Variants in KCNH1 observed in about 807,000 individuals in gnomAD.
KCNH1 encodes the protein voltage-gated delayed rectifier potassium channel KCNH1.
In KCNH1, 27 loss-of-function variants were observed where a neutral mutation model predicts 69.2. The observed-to-expected ratio is 0.39, with a 90% CI of 0.29 to 0.54. KCNH1 has a LOEUF of 0.54. KCNH1 is among the 20% of genes least tolerant of loss of function. The pLI is 0.68. For synonymous variants in KCNH1, 456 were observed against 487.7 expected, an observed-to-expected ratio of 0.93 and a Z score of 0.86; for missense variants, 798 against 1,261.6, an observed-to-expected ratio of 0.63 and a Z score of 5.57.
At chr1:211,017,712 C>G (rs1689516771) in intron 6 of KCNH1, among the ~76,000 whole-genome samples, 2 of 152,168 alleles carry the variant, frequency 1.3e-5, no homozygotes, top group African/African-American at 4.8e-5. Context: ...ACCACATGTC[C>G]CAGGCGCTCA....
At chr1:210,822,803 C>CAAG (rs1684957325) in intron 7 of KCNH1, among the ~76,000 whole-genome samples, 1 of 152,186 alleles carries the variant, frequency 6.6e-6, no homozygotes, top group Non-Finnish European at 1.5e-5. Context: ...TTGTCAGTCT[C>CAAG]TCCAAGGTTC....
intron 6 of KCNH1, among the ~76,000 whole-genome samples, chr1:211,011,763 G>T (rs959161865): frequency 6.6e-6 from 1 of 152,190 alleles, no homozygotes; most frequent in African/African-American, 2.4e-5. Flanking sequence ...CATGACTCCG[G>T]TGCGTGTGCA....
intron 10 of KCNH1, among the ~76,000 whole-genome samples, chr1:210,769,065 G>T (rs1046884178): frequency 2.6e-5 from 4 of 152,114 alleles, no homozygotes; most frequent in Non-Finnish European, 5.9e-5. Flanking sequence ...CAGACTAATA[G>T]ATGATTTTAA....
At chr1:211,058,869 CAG>C (rs753552152) in intron 5 of KCNH1, among the ~76,000 whole-genome samples, 1 of 152,082 alleles carries the variant, frequency 6.6e-6, no homozygotes, top group South Asian at 2.1e-4. Context: ...AGGACACACA[CAG>C]ACTGAAAATA....
chr1:210,807,722 C>T (rs1249496908), intron 7 of KCNH1, among the ~76,000 whole-genome samples: 1 of 152,130 alleles, frequency 6.6e-6, no homozygotes, highest in African/African-American at 2.4e-5. Context: ...TCAAAATCTT[C>T]CAAGTTGTTG....
At chr1:210,774,809 C>A (rs151267613) in intron 10 of KCNH1, among the ~76,000 whole-genome samples, 5 of 152,290 alleles carry the variant, frequency 3.3e-5, no homozygotes, top group South Asian at 2.1e-4. Flanking sequence ...ATTTCTCAAC[C>A]AGTTTAGTTG....
In KCNH1 at chr1:210,788,685, C is replaced by CTTTTT. The variant is rs139485350; in HGVS notation, c.1915+8818_1915+8822dup. 1.7e-3 allele frequency among the ~76,000 whole-genome samples: 135 copies of CTTTTT among 80,728 alleles called. 8 individuals carry two copies. The highest frequency in any genetic ancestry group is 4.0e-3 in the African/African-American group (80 of 20,192). 53.0% of individuals were successfully genotyped at this position (80,728 alleles called of 152,430 possible). On this transcript the variant is annotated intron_variant, in intron 9 of 10. Coordinates refer to ENST00000271751, the MANE Select transcript of KCNH1 (RefSeq NM_172362.3). Reference sequence around the variant, plus strand: ...AGATTATTCATATTATAGCTTCTTTCTTTTTTTTTTTTTTTTTTTTTTTTT... The same window carrying CTTTTT: ...AGATTATTCATATTATAGCTTCTTTCTTTTTTTTTTTTTTTTTTTTTTTTTTTTTT...
intron 5 of KCNH1, among the ~76,000 whole-genome samples, chr1:211,072,959 C>T (rs1020680978): frequency 6.6e-6 from 1 of 152,082 alleles, no homozygotes; most frequent in African/African-American, 2.4e-5. Context: ...AAACAAGACC[C>T]AACTATATGT....
intron 5 of KCNH1, 53 bp from the exon 6 acceptor site, chr1:211,019,309 T>G: frequency 8.6e-7 from 1 of 1,156,636 alleles, no homozygotes; most frequent in Non-Finnish European, 1.2e-6. Context: ...TAATTGCAAG[T>G]ATCTAACCAG....
At chr1:211,030,263 T>C (rs1689758482) in intron 5 of KCNH1, among the ~76,000 whole-genome samples, 1 of 152,210 alleles carries the variant, frequency 6.6e-6, no homozygotes, top group Non-Finnish European at 1.5e-5. Context: ...TAAACATAAC[T>C]GGGTTTTTAG....
At chr1:210,869,944 C>T (rs1017768265) in intron 7 of KCNH1, among the ~76,000 whole-genome samples, 3 of 152,132 alleles carry the variant, frequency 2.0e-5, no homozygotes, top group African/African-American at 7.2e-5. Context: ...TAAAGATCCT[C>T]AGCATTTTCT....
chr1:210,918,849 A>G (rs2102560180), intron 7 of KCNH1: 1 of 152,362 alleles, frequency 6.6e-6, no homozygotes, highest in African/African-American at 2.4e-5. Context: ...AATGAAACAG[A>G]TTAAATTAAT....
chr1:210,946,925 C>T (rs1454651145), intron 6 of KCNH1, among the ~76,000 whole-genome samples: 1 of 152,142 alleles, frequency 6.6e-6, no homozygotes, highest in South Asian at 2.1e-4. Flanking sequence ...TCAGCCAGAG[C>T]GGCCCCACTC....
intron 6 of KCNH1, among the ~76,000 whole-genome samples, chr1:210,933,796 C>G (rs1687726258): frequency 6.6e-6 from 1 of 152,094 alleles, no homozygotes; most frequent in South Asian, 2.1e-4. Flanking sequence ...TACTACAAAG[C>G]TATAGTAACC....
chr1:211,126,280 G>A lies in KCNH1; in HGVS notation c.79+7587C>T, dbSNP rs1402250255. Among the ~76,000 whole-genome samples the A allele has an allele frequency of 4.6e-5, 7 of 152,170 alleles. No homozygotes were observed. In the East Asian group the frequency reaches 1.3e-3, roughly 29 times the overall value. ...ATCCCAGCACTTTGGGAGGCCTGAG[G>A]CGGGCGGATCACAAGATCAGGAGAT... On this transcript the variant is annotated intron_variant, in intron 1 of 10. Transcript: ENST00000271751.
At chr1:210,862,032 T>C in intron 7 of KCNH1, 1 of 781,378 alleles carries the variant, frequency 1.3e-6, no homozygotes, top group East Asian at 2.4e-5. Context: ...GGCAATCTTC[T>C]TCTGGAATAG....
intron 6 of KCNH1, among the ~76,000 whole-genome samples, chr1:210,978,014 G>C (rs1398712897): frequency 6.7e-6 from 1 of 149,570 alleles, no homozygotes; most frequent in Non-Finnish European, 1.5e-5. Context: ...CTTACTTATT[G>C]AGTCATTGGT....
At chr1:210,738,060 C>T (rs1028735617) in intron 10 of KCNH1, among the ~76,000 whole-genome samples, 7 of 152,152 alleles carry the variant, frequency 4.6e-5, no homozygotes, top group Non-Finnish European at 1.0e-4. Flanking sequence ...GAATGAGTTT[C>T]CACCTCCACT....
chr1:210,964,678 A>T (rs1049778779), intron 6 of KCNH1, among the ~76,000 whole-genome samples: 1 of 152,210 alleles, frequency 6.6e-6, no homozygotes, highest in Admixed American at 6.6e-5. Context: ...GAGATACAAG[A>T]GGAGCTGGTA....
Sources: allele counts gnomAD v4.1 joint callset (sites outside exome capture counted in the v4.1 genomes callset), GRCh38; gene constraint gnomAD v4.1.1; transcripts MANE v1.5; gene names NCBI Gene and HGNC (gene_info 2026-07-23, HGNC 2026-07-21).